Variants in UNC13C observed in about 807,000 individuals in gnomAD.
The protein encoded by UNC13C is protein unc-13 homolog C.
UNC13C carries 174 observed loss-of-function variants against 245.4 expected under a neutral mutation model. That is an observed-to-expected ratio of 0.71 (90% CI 0.63 to 0.80). The LOEUF (loss-of-function observed/expected upper bound fraction) is 0.80, where lower values mean the gene tolerates loss of function less well. UNC13C is among the 30% of genes least tolerant of loss of function. The pLI is 0.00. For synonymous variants in UNC13C, 992 were observed against 895.1 expected, an observed-to-expected ratio of 1.11 and a Z score of -1.93; for missense variants, 2,829 against 2,602.9, an observed-to-expected ratio of 1.09 and a Z score of -1.89.
intron 4 of UNC13C, among the ~76,000 whole-genome samples, chr15:54,176,296 C>G (rs984405779): frequency 7.2e-5 from 11 of 152,052 alleles, no homozygotes; most frequent in African/African-American, 2.4e-4. Context: ...GGACCAGTGG[C>G]TTCTAGAAGA....
At chr15:54,189,941 CAT>C (rs1209393705) in intron 4 of UNC13C, among the ~76,000 whole-genome samples, 1 of 152,106 alleles carries the variant, frequency 6.6e-6, no homozygotes, top group East Asian at 1.9e-4. Context: ...AACTTAGAAA[CAT>C]ATTATGTAAC....
rs1481037738 is a variant in UNC13C, at chr15:54,188,510, G to A, written c.3071+44826G>A. Among the ~76,000 whole-genome samples the A allele has an allele frequency of 5.3e-5, 8 of 152,192 alleles. No individual in the cohort carries two copies. The East Asian group carries it at 1.3e-3, about 26-fold the overall frequency. On this transcript the variant is annotated intron_variant, in intron 4 of 32. Transcript: ENST00000260323. ...AACTACATTTATTTTAAATTCATTA[G>A]CGAAGTGGGACGCTGCTAAACAGTT...
chr15:54,419,152 A>G (rs1350680662), intron 19 of UNC13C, among the ~76,000 whole-genome samples: 1 of 152,190 alleles, frequency 6.6e-6, no homozygotes, highest in Non-Finnish European at 1.5e-5. Flanking sequence ...ACCATCTACT[A>G]AATCACTTTG....
intron 2 of UNC13C, among the ~76,000 whole-genome samples, chr15:54,089,148 G>A (rs1437605583): frequency 6.6e-6 from 1 of 152,076 alleles, no homozygotes; most frequent in Non-Finnish European, 1.5e-5. Context: ...TCTTTTCCAT[G>A]TGGTTCAGGA....
chr15:54,077,926 T>C (rs1898725557), intron 2 of UNC13C, among the ~76,000 whole-genome samples: 1 of 152,180 alleles, frequency 6.6e-6, no homozygotes, highest in Admixed American at 6.5e-5. Context: ...ATTACCCAAA[T>C]AGTAAACGTA....
chr15:54,123,844 TC>T (rs1385394759), intron 2 of UNC13C, among the ~76,000 whole-genome samples: 2 of 152,178 alleles, frequency 1.3e-5, no homozygotes, highest in African/African-American at 2.4e-5. Flanking sequence ...TTATAATCAC[TC>T]GCACTATTCT....
chr15:54,383,542 A>G (rs752580026), intron 17 of UNC13C, among the ~76,000 whole-genome samples: 4 of 152,168 alleles, frequency 2.6e-5, no homozygotes, highest in Non-Finnish European at 4.4e-5. Context: ...ACCATATATG[A>G]TAAACCCACG....
chr15:54,141,507 A>AC, intron 2 of UNC13C, among the ~76,000 whole-genome samples: 1 of 152,158 alleles, frequency 6.6e-6, no homozygotes, highest in South Asian at 2.1e-4. Flanking sequence ...CTTAAAGAAG[A>AC]CCCATTACAA....
At chr15:54,219,508 C>T (rs1389850190) in intron 4 of UNC13C, among the ~76,000 whole-genome samples, 1 of 148,760 alleles carries the variant, frequency 6.7e-6, no homozygotes, top group Non-Finnish European at 1.5e-5. Flanking sequence ...AGAAGCAAAC[C>T]TAGGCATTAC....
chr15:54,503,003 T>C (rs1164620684), intron 22 of UNC13C, among the ~76,000 whole-genome samples: 2 of 151,766 alleles, frequency 1.3e-5, no homozygotes, highest in Admixed American at 1.3e-4. Flanking sequence ...TGAATGGAAG[T>C]ATAAAAGGGT....
At chr15:54,543,994 AAAG>A (rs1896366891) in intron 26 of UNC13C, among the ~76,000 whole-genome samples, 1 of 152,230 alleles carries the variant, frequency 6.6e-6, no homozygotes, top group Non-Finnish European at 1.5e-5. Context: ...TACAACAAAA[AAAG>A]AGAATTTCAG....
intron 17 of UNC13C, among the ~76,000 whole-genome samples, chr15:54,344,157 G>A (rs918015567): frequency 6.6e-6 from 1 of 152,132 alleles, no homozygotes; most frequent in African/African-American, 2.4e-5. Context: ...GTCAAAGAGA[G>A]AATCTTTATC....
At chr15:54,287,665 C>T (rs964649319) in intron 10 of UNC13C, among the ~76,000 whole-genome samples, 1 of 152,120 alleles carries the variant, frequency 6.6e-6, no homozygotes. Flanking sequence ...GAGACAGCAT[C>T]AGAATACTAT....
upstream of UNC13C, among the ~76,000 whole-genome samples, chr15:53,974,188 A>C (rs183983798): frequency 6.6e-6 from 1 of 152,350 alleles, no homozygotes; most frequent in Non-Finnish European, 1.5e-5. Flanking sequence ...AGTTTTAGAC[A>C]CTATTATTGT....
intron 1 of UNC13C, among the ~76,000 whole-genome samples, chr15:54,001,652 G>A (rs1894893052): frequency 1.3e-5 from 2 of 152,144 alleles, no homozygotes; most frequent in Admixed American, 1.3e-4. Flanking sequence ...TTTTGATGTT[G>A]TGGGCACTTC....
At chr15:53,864,046 C>G in the UNC13C span, among the ~76,000 whole-genome samples, 1 of 152,162 alleles carries the variant, frequency 6.6e-6, no homozygotes, top group African/African-American at 2.4e-5. Context: ...CTTGTACATA[C>G]ACTTTTTTGG....
At chr15:53,893,818 C>G in the UNC13C span, among the ~76,000 whole-genome samples, 1,833 of 152,338 alleles carry the variant, frequency 0.012, 17 homozygotes, top group Non-Finnish European at 0.021. Flanking sequence ...AGAGCCAGAC[C>G]ACTTGGGTCC....
intron 2 of UNC13C, among the ~76,000 whole-genome samples, chr15:54,030,719 A>G (rs571714571): frequency 8.1e-4 from 123 of 152,286 alleles, no homozygotes; most frequent in South Asian, 3.7e-3. Context: ...TCAGTTTTCC[A>G]GTGAGGGCTG....
intron 29 of UNC13C, 111 bp from the exon 30 acceptor site, chr15:54,567,689 C>A: frequency 9.6e-7 from 1 of 1,037,038 alleles, no homozygotes. Flanking sequence ...TTTTTTGTAT[C>A]TTGCATTGAT....
Sources: allele counts gnomAD v4.1 joint callset (sites outside exome capture counted in the v4.1 genomes callset), GRCh38; gene constraint gnomAD v4.1.1; transcripts MANE v1.5; gene names NCBI Gene and HGNC (gene_info 2026-07-23, HGNC 2026-07-21).